LNPEP: variants seen among roughly 807,000 people sequenced by gnomAD.
The protein encoded by LNPEP is leucyl-cystinyl aminopeptidase.
In LNPEP, 64 loss-of-function variants were observed where a neutral mutation model predicts 120.6. The ratio of observed to expected loss-of-function variants is 0.53; its 90% CI spans 0.43 to 0.65. The LOEUF is 0.65. Ranked by LOEUF, LNPEP falls within the 30% of genes least tolerant of loss-of-function variation. The probability of loss-of-function intolerance (pLI) is 0.00; values close to 1 mark genes in which losing one functional copy is unlikely to be tolerated. For missense variants in LNPEP, 1,057 were observed against 1,200.0 expected (o/e 0.88, Z 1.76); for synonymous variants, 435 against 425.4 (o/e 1.02, Z -0.28).
At chr5:96,953,943 C>A (rs1789381622) in intron 1 of LNPEP, among the ~76,000 whole-genome samples, 1 of 152,216 alleles carries the variant, frequency 6.6e-6, no homozygotes, top group East Asian at 1.9e-4. Context: ...TTGCTTTTAT[C>A]CTTGAGGTTA....
At chr5:96,973,373 C>G (rs1480637885) in intron 1 of LNPEP, among the ~76,000 whole-genome samples, 1 of 151,588 alleles carries the variant, frequency 6.6e-6, no homozygotes, top group South Asian at 2.1e-4. Flanking sequence ...GAAGAGTATT[C>G]TCATTAGGGA....
intron 11 of LNPEP, chr5:97,010,206 C>CTCTT (rs1336830199): frequency 2.3e-6 from 2 of 873,580 alleles, no homozygotes; most frequent in Non-Finnish European, 2.7e-6. Context: ...CTCTCTCTCT[C>CTCTT]TCTTTCTTAT....
chr5:97,032,228 T>C lies in LNPEP; in HGVS notation c.*3695T>C, dbSNP rs1791483631. 3 of 152,238 alleles carry C rather than the reference T, an allele frequency of 2.0e-5. No homozygotes were observed. In the South Asian group the frequency reaches 6.2e-4, roughly 31 times the overall value. The allele number at this position is 152,238 out of a possible 1,614,324, so 9.4% of individuals were successfully genotyped here. ...TTGTATTTATTGGAATTAAATCTCT[T>C]TTTAAAGAGCTTCCTTCCCCCTTCA... On this transcript the variant is annotated 3_prime_UTR_variant, in exon 18 of 18. Coordinates refer to ENST00000231368, the MANE Select transcript of LNPEP (RefSeq NM_005575.3).
At chr5:96,997,801 G>A (rs1442670375) in intron 7 of LNPEP, among the ~76,000 whole-genome samples, 1 of 151,960 alleles carries the variant, frequency 6.6e-6, no homozygotes, top group Non-Finnish European at 1.5e-5. Context: ...TTTTAATGTG[G>A]CCAGGTTATA....
chr5:97,017,824 A>G (rs1393439520), intron 13 of LNPEP, among the ~76,000 whole-genome samples: 14 of 152,338 alleles, frequency 9.2e-5, no homozygotes, highest in Non-Finnish European at 2.1e-4. Context: ...CCAGAAGGCC[A>G]AAATCAAGGT....
intron 11 of LNPEP, among the ~76,000 whole-genome samples, chr5:97,011,505 C>T (rs1360481175): frequency 1.3e-5 from 2 of 152,310 alleles, no homozygotes; most frequent in Admixed American, 6.5e-5. Context: ...GCTGGGATTA[C>T]AGGTGTGAGC....
intron 11 of LNPEP, among the ~76,000 whole-genome samples, chr5:97,011,626 C>A (rs140835052): frequency 6.6e-6 from 1 of 152,270 alleles, no homozygotes; most frequent in African/African-American, 2.4e-5. Context: ...AAGTTAATTT[C>A]CTTAGTCATA....
At chr5:96,938,169 A>C (rs1788964455) in intron 1 of LNPEP, among the ~76,000 whole-genome samples, 2 of 152,244 alleles carry the variant, frequency 1.3e-5, no homozygotes, top group Admixed American at 1.3e-4. Context: ...TAGTGTTTTC[A>C]AATGACATGG....
intron 4 of LNPEP, among the ~76,000 whole-genome samples, chr5:96,987,652 C>A (rs975064308): frequency 6.6e-6 from 1 of 152,116 alleles, no homozygotes; most frequent in Non-Finnish European, 1.5e-5. Context: ...ATACTGTATG[C>A]CTTTAATGAT....
At chr5:96,995,039 C>A (rs1790479018) in intron 6 of LNPEP, among the ~76,000 whole-genome samples, 1 of 152,068 alleles carries the variant, frequency 6.6e-6, no homozygotes, top group Non-Finnish European at 1.5e-5. Flanking sequence ...ACCCAGGAGG[C>A]AGATGTTGCA....
chr5:97,007,900 G>GT (rs1410443693), intron 11 of LNPEP, among the ~76,000 whole-genome samples: 2 of 152,132 alleles, frequency 1.3e-5, no homozygotes, highest in Non-Finnish European at 2.9e-5. Flanking sequence ...TTATTGTGTA[G>GT]TTACAGTTGA....
At chr5:97,004,801 C>G (rs889902143) in intron 9 of LNPEP, among the ~76,000 whole-genome samples, 1 of 152,100 alleles carries the variant, frequency 6.6e-6, no homozygotes, top group African/African-American at 2.4e-5. Flanking sequence ...CAGTTGTTCC[C>G]AAATCATTGT....
Position 97,028,528 on chromosome 5 carries a change from C to T in LNPEP, c.3073C>T (p.Leu1025=), listed in dbSNP as rs769449960. The change falls in exon 18 of 18, where the codon CTG becomes TTG. Residue 1025 remains leucine (L), a synonymous_variant. Coordinates refer to ENST00000231368, the MANE Select transcript of LNPEP (RefSeq NM_005575.3). ...EKNLKSLTWW[L] is the part of the protein sequence containing the mutation. ...GAACCTCAAAAGTCTCACATGGTGG[C>T]TGTAGCATGCACAACCGCACCTCAT... The T allele has an allele frequency of 5.6e-6, 9 of 1,613,472 alleles. No homozygotes were observed. Among genetic ancestry groups the T allele is most frequent in the Non-Finnish European group, 5.1e-6 (6 of 1,179,616 alleles).
chr5:96,991,001 C>T (rs1169479443), intron 4 of LNPEP, among the ~76,000 whole-genome samples: 2 of 152,060 alleles, frequency 1.3e-5, no homozygotes, highest in Non-Finnish European at 2.9e-5. Flanking sequence ...TTTTGGTGCA[C>T]CCATCACCCA....
chr5:96,941,836 T>A (rs1044336493), intron 1 of LNPEP, among the ~76,000 whole-genome samples: 3 of 152,180 alleles, frequency 2.0e-5, no homozygotes, highest in Non-Finnish European at 4.4e-5. Context: ...GGAGAATCAA[T>A]GATGAAGATG....
At chr5:96,951,291 C>G (rs1330140598) in intron 1 of LNPEP, among the ~76,000 whole-genome samples, 3 of 151,632 alleles carry the variant, frequency 2.0e-5, no homozygotes, top group Non-Finnish European at 4.4e-5. Context: ...CAGAGTCTTG[C>G]TCTGCCACCC....
At chr5:96,996,268 C>T (rs1790513263) in intron 6 of LNPEP, 122 bp from the exon 7 acceptor site, 1 of 589,048 alleles carries the variant, frequency 1.7e-6, no homozygotes, top group African/African-American at 1.9e-5. Flanking sequence ...ACTATAGTAT[C>T]AGTATATCTT....
intron 4 of LNPEP, among the ~76,000 whole-genome samples, chr5:96,987,519 A>G (rs2112618224): frequency 6.6e-6 from 1 of 152,256 alleles, no homozygotes; most frequent in East Asian, 1.9e-4. Flanking sequence ...GGATACTTGG[A>G]TCTTATCATT....
At chr5:96,945,539 A>T (rs545342920) in intron 1 of LNPEP, among the ~76,000 whole-genome samples, 1 of 152,210 alleles carries the variant, frequency 6.6e-6, no homozygotes, top group Admixed American at 6.5e-5. Context: ...TATTTCTTTC[A>T]CAGCCTGCTA....
Sources: gnomAD v4.1 joint callset for allele counts (sites outside exome capture counted in the v4.1 genomes callset) on GRCh38, gnomAD v4.1.1 for gene constraint, MANE v1.5 for transcripts, NCBI Gene and HGNC (gene_info 2026-07-23, HGNC 2026-07-21) for gene names.